The following TRERF1 variants were observed in gnomAD, a reference collection of about 807,000 sequenced individuals.
The protein encoded by TRERF1 is transcriptional-regulating factor 1.
Under a neutral mutation model 122.9 loss-of-function variants are expected in TRERF1, and 27 were observed. The ratio of observed to expected loss-of-function variants is 0.22; its 90% CI spans 0.16 to 0.30. The LOEUF (loss-of-function observed/expected upper bound fraction) is 0.30, where lower values mean the gene tolerates loss of function less well. TRERF1 is among the 10% of genes least tolerant of loss of function. The probability of loss-of-function intolerance (pLI) is 1.00; values close to 1 mark genes in which losing one functional copy is unlikely to be tolerated. For missense variants in TRERF1, 1,248 were observed against 1,560.3 expected (o/e 0.80, Z 3.37); for synonymous variants, 636 against 641.7 (o/e 0.99, Z 0.13).
chr6:42,450,914 G>C (rs1788362806), intron 2 of TRERF1, among the ~76,000 whole-genome samples: 1 of 152,104 alleles, frequency 6.6e-6, no homozygotes. Flanking sequence ...TCAAATGCAA[G>C]CCCACCATCA....
At chr6:42,307,757 T>A (rs1051275483) in intron 3 of TRERF1, among the ~76,000 whole-genome samples, 36 of 151,380 alleles carry the variant, frequency 2.4e-4, no homozygotes, top group Non-Finnish European at 8.8e-5. Flanking sequence ...AATTCCCTGA[T>A]GGGCTTCCCC....
chr6:42,397,941 G>A (rs935348040), intron 2 of TRERF1, among the ~76,000 whole-genome samples: 1 of 152,188 alleles, frequency 6.6e-6, no homozygotes, highest in Non-Finnish European at 1.5e-5. Flanking sequence ...AAGTCTGAGT[G>A]ATGTGAGCTA....
rs180920553 is a variant in TRERF1, at chr6:42,268,514, G to A, written c.1077C>T (p.Thr359=). The A allele has an allele frequency of 3.7e-5, 59 of 1,613,972 alleles. No homozygotes were observed. In the East Asian group the frequency reaches 1.2e-3, roughly 32 times the overall value. The change falls in exon 5 of 18, where the codon ACC becomes ACT. Residue 359 remains threonine (T), a synonymous_variant. Coordinates refer to ENST00000372922, the Ensembl canonical transcript of TRERF1. This position sits in a 1 kb window ranked among gnomAD's most constrained non-coding sequence, Gnocchi z 4.4. ...GCTGGACAGTGTGTGCCTGCTCTGG[G>A]GTATACTGGTGAGGGTCCCTGTGAT...
intron 3 of TRERF1, among the ~76,000 whole-genome samples, chr6:42,339,882 G>T: frequency 6.6e-6 from 1 of 152,222 alleles, no homozygotes; most frequent in Non-Finnish European, 1.5e-5. Flanking sequence ...ATTAAGAAAA[G>T]TCTATTTTAA....
intron 15 of TRERF1, among the ~76,000 whole-genome samples, chr6:42,239,452 G>A (rs564933837): frequency 6.6e-6 from 1 of 152,272 alleles, no homozygotes; most frequent in African/African-American, 2.4e-5. Flanking sequence ...CCCCTGCTGA[G>A]TGAGCAGCTG....
intron 2 of TRERF1, among the ~76,000 whole-genome samples, chr6:42,402,775 T>C (rs771018171): frequency 2.6e-5 from 4 of 152,198 alleles, no homozygotes; most frequent in Non-Finnish European, 4.4e-5. Context: ...CAAGATCGAA[T>C]GCTGCCCTCA....
At chr6:42,265,630 CTAT>C (rs1779008817) in intron 6 of TRERF1, 118 bp downstream of exon 6, 10 of 1,084,908 alleles carry the variant, frequency 9.2e-6, no homozygotes, top group Admixed American at 6.4e-5. Flanking sequence ...ACAACAGCTG[CTAT>C]TATTATTTCT....
chr6:42,243,502 C>G, intron 14 of TRERF1, 141 bp from the exon 15 acceptor site: 1 of 595,218 alleles, frequency 1.7e-6, no homozygotes, highest in Non-Finnish European at 3.0e-6. Context: ...GGTGAAAGGC[C>G]TCCTTCACAC....
At chr6:42,395,532 C>G (rs996393073) in intron 2 of TRERF1, among the ~76,000 whole-genome samples, 1 of 152,252 alleles carries the variant, frequency 6.6e-6, no homozygotes, top group Non-Finnish European at 1.5e-5. Flanking sequence ...TCGGACTCAA[C>G]AAACTCTGAG....
chr6:42,343,742 A>G (rs940882434), intron 3 of TRERF1, among the ~76,000 whole-genome samples: 4 of 152,250 alleles, frequency 2.6e-5, no homozygotes, highest in Non-Finnish European at 5.9e-5. Flanking sequence ...CTGTTTTTCA[A>G]CAATCTACTA....
chr6:42,411,133 A>G (rs1257503015), intron 2 of TRERF1, among the ~76,000 whole-genome samples: 3 of 152,176 alleles, frequency 2.0e-5, no homozygotes, highest in Admixed American at 2.0e-4. Context: ...CAGGACATCT[A>G]TTGAAGGTTA....
chr6:42,448,890 C>T (rs572465999), intron 2 of TRERF1, among the ~76,000 whole-genome samples: 1 of 152,120 alleles, frequency 6.6e-6, no homozygotes, highest in East Asian at 1.9e-4. Context: ...AAAAAAATAA[C>T]GCTTTCGGTT....
chr6:42,268,817 T>C lies in TRERF1; in HGVS notation c.774A>G (p.Ser258=), dbSNP rs1420430789. ...GCTGCTGCATCTGTTGCATGTGCTG[T>C]GACAGCATCTGTGGGGCCTGCAGTG... The change falls in exon 5 of 18, where the codon TCA becomes TCG. Residue 258 remains serine (S), a synonymous_variant. Transcript: ENST00000372922. The surrounding 1 kb of genome is among the most constrained non-coding windows in gnomAD (Gnocchi z 4.4). 2 of 1,614,194 alleles carry C rather than the reference T, an allele frequency of 1.2e-6. No homozygotes were observed. The highest frequency in any genetic ancestry group is 1.7e-5 in the Admixed American group (1 of 60,030).
In TRERF1 at chr6:42,393,535, G is replaced by C. The variant is rs1045885494; in HGVS notation, c.-453-30456C>G. On this transcript the variant is annotated intron_variant, in intron 2 of 17. Coordinates refer to ENST00000372922, the Ensembl canonical transcript of TRERF1. The surrounding 1 kb of genome is among the most constrained non-coding windows in gnomAD (Gnocchi z 4.1). ...TCCCTGCAGAGTGCAAAGGTCACGGGAGTGTGCAAGGCCTGGCAAAACCTG... is the reference window on the plus strand; with the variant it reads ...TCCCTGCAGAGTGCAAAGGTCACGGCAGTGTGCAAGGCCTGGCAAAACCTG... Among the ~76,000 whole-genome samples the C allele has an allele frequency of 3.3e-5, 5 of 152,218 alleles. No individual in the cohort carries two copies. Among genetic ancestry groups the C allele is most frequent in the Admixed American group, 1.3e-4 (2 of 15,286 alleles).
rs1306380578 is a variant in TRERF1, at chr6:42,269,726, G to A, written c.-136C>T. 2.8e-6 allele frequency: 4 copies of A among 1,450,024 alleles called. No individual in the cohort carries two copies. Among genetic ancestry groups the A allele is most frequent in the Non-Finnish European group, 3.6e-6 (4 of 1,107,958 alleles). 89.8% of individuals were successfully genotyped at this position (1,450,024 alleles called of 1,614,324 possible). A position where few individuals can be genotyped will look rare whatever the true frequency, so the allele number is the denominator to read the frequency against. On this transcript the variant is annotated 5_prime_UTR_variant, in exon 5 of 18. In the 5' UTR this introduces an upstream ATG that the reference lacks. Transcript: ENST00000372922. The surrounding 1 kb of genome is among the most constrained non-coding windows in gnomAD (Gnocchi z 4.9). ...CTCCACGGCTGACATGTCTGTGAAC[G>A]TGGCTGGAGCCAGGTGTTCCTGTTG... is the stretch of plus-strand genomic sequence containing the variant.
At chr6:42,321,722 A>T (rs1268609938) in intron 3 of TRERF1, among the ~76,000 whole-genome samples, 2 of 152,232 alleles carry the variant, frequency 1.3e-5, no homozygotes, top group Non-Finnish European at 2.9e-5. Flanking sequence ...AAGTCAGACC[A>T]TATGTGCCAG....
chr6:42,251,790 T>C (rs1233743406), intron 13 of TRERF1, among the ~76,000 whole-genome samples: 8 of 152,204 alleles, frequency 5.3e-5, no homozygotes, highest in Admixed American at 5.2e-4. Flanking sequence ...TCTCCACAAC[T>C]CAGGTCAGGG....
intron 2 of TRERF1, among the ~76,000 whole-genome samples, chr6:42,375,758 G>A (rs1018110213): frequency 2.0e-5 from 3 of 152,050 alleles, no homozygotes; most frequent in South Asian, 2.1e-4. Context: ...CTGTGATCAC[G>A]ATCACTATGG....
rs1007286700 is a variant in TRERF1 at position 42,434,898 on chromosome 6, C to T, written c.-454+16279G>A. 3.3e-5 allele frequency among the ~76,000 whole-genome samples: 5 copies of T among 151,960 alleles called. 1 individual carries two copies. The highest frequency in any genetic ancestry group is 2.0e-4 in the Admixed American group (3 of 15,272). On this transcript the variant is annotated intron_variant, in intron 2 of 17. Coordinates refer to ENST00000372922, the Ensembl canonical transcript of TRERF1. The stretch of plus-strand genomic sequence containing the variant: ...ATCCCAGCACTTTGGGAGGCCAAGG[C>T]GGGCGGATCACCTGAGGTCAGGAGT...
Sources: gnomAD v4.1 joint callset for allele counts (sites outside exome capture counted in the v4.1 genomes callset) on GRCh38, gnomAD v4.1.1 for gene constraint, Gnocchi (gnomAD v3.1) non-coding constraint, MANE v1.5 for transcripts, NCBI Gene and HGNC (gene_info 2026-07-23, HGNC 2026-07-21) for gene names.